CSMD1: variants seen among roughly 807,000 people sequenced by gnomAD.
CSMD1 encodes CUB and Sushi multiple domains 1, also known as CUB and sushi domain-containing protein 1.
In CSMD1, 213 loss-of-function variants were observed where a neutral mutation model predicts 417.5. That is an observed-to-expected ratio of 0.51 (90% CI 0.46 to 0.57). The LOEUF (loss-of-function observed/expected upper bound fraction) is 0.57, where lower values mean the gene tolerates loss of function less well. CSMD1 is among the 20% of genes least tolerant of loss of function. The pLI, the probability that CSMD1 is intolerant of heterozygous loss-of-function variation, is 0.00. For missense variants in CSMD1, 6,923 were observed against 4,529.7 expected (o/e 1.53, Z -15.17); for synonymous variants, 2,862 against 1,736.8 (o/e 1.65, Z -16.11).
intron 3 of CSMD1, among the ~76,000 whole-genome samples, chr8:4,195,163 A>T (rs1325204614): frequency 6.6e-6 from 1 of 152,226 alleles, no homozygotes; most frequent in Non-Finnish European, 1.5e-5. Flanking sequence ...TATCCAGAAC[A>T]TGTGTGTACA....
intron 5 of CSMD1, among the ~76,000 whole-genome samples, chr8:3,985,679 T>C (rs1303670006): frequency 1.3e-5 from 2 of 152,066 alleles, no homozygotes; most frequent in Non-Finnish European, 1.5e-5. Context: ...AGAATTCTCA[T>C]TACAACCTCC....
At position 4,637,570 on chromosome 8, in the gene CSMD1, A is replaced by G. The variant is rs1802898821; in HGVS notation, c.86-12T>C. On this transcript the variant is annotated splice_polypyrimidine_tract_variant and intron_variant, in intron 1 of 69. Transcript: ENST00000635120. Reference sequence around the variant, plus strand: ...TCCACAGTTCTGACCTGGAAGAGAAAACACACACAAAAAAGCATATTATTC... The same window carrying G: ...TCCACAGTTCTGACCTGGAAGAGAAGACACACACAAAAAAGCATATTATTC... 2 of 1,592,224 alleles carry G rather than the reference A, an allele frequency of 1.3e-6. No homozygotes were observed. The highest frequency in any genetic ancestry group is 2.7e-5 in the African/African-American group (2 of 74,410).
At chr8:4,568,769 C>T (rs111572695) in intron 2 of CSMD1, among the ~76,000 whole-genome samples, 2 of 152,266 alleles carry the variant, frequency 1.3e-5, no homozygotes, top group East Asian at 3.9e-4. Context: ...TCTCCATAAC[C>T]TCTCCAGCAT....
intron 12 of CSMD1, among the ~76,000 whole-genome samples, chr8:3,464,786 G>T (rs1000488485): frequency 6.6e-6 from 1 of 151,764 alleles, no homozygotes; most frequent in Non-Finnish European, 1.5e-5. Flanking sequence ...TTAGCATTTG[G>T]GCTTTTGAAC....
At chr8:4,580,681 T>C (rs922597387) in intron 2 of CSMD1, among the ~76,000 whole-genome samples, 3 of 152,132 alleles carry the variant, frequency 2.0e-5, no homozygotes, top group African/African-American at 4.8e-5. Context: ...ATGCACCGCG[T>C]CTTCCAAGGT....
intron 5 of CSMD1, among the ~76,000 whole-genome samples, chr8:3,938,597 T>C (rs11778011): frequency 0.072 from 10,918 of 152,240 alleles, 444 homozygotes; most frequent in Middle Eastern, 0.13. Flanking sequence ...TTGGAAATCA[T>C]GCTGTAGACC....
intron 3 of CSMD1, among the ~76,000 whole-genome samples, chr8:4,216,945 T>C (rs972973163): frequency 6.6e-6 from 1 of 152,128 alleles, no homozygotes; most frequent in African/African-American, 2.4e-5. Flanking sequence ...CCAACAAACC[T>C]TTTTTCAAAA....
Position 3,275,360 on chromosome 8 carries a change from C to A in CSMD1, c.4153+8784G>T, listed in dbSNP as rs904937578. Among the ~76,000 whole-genome samples, 5 of 152,222 alleles carry A rather than the reference C, an allele frequency of 3.3e-5. No homozygotes were observed. The South Asian group carries it at 8.3e-4, about 25-fold the overall frequency. On this transcript the variant is annotated intron_variant, in intron 26 of 69. Coordinates refer to ENST00000635120, the MANE Select transcript of CSMD1 (RefSeq NM_033225.6). ...AACCTTTCTCTCTGGCTGCCCTTAA[C>A]ATTTTTTCCTTCATTTCACCTTTGG...
At chr8:4,755,944 T>C (rs1470179418) in intron 1 of CSMD1, among the ~76,000 whole-genome samples, 2 of 152,244 alleles carry the variant, frequency 1.3e-5, no homozygotes, top group African/African-American at 2.4e-5. Context: ...CCTAAAACAC[T>C]GGTTTCATTG....
intron 12 of CSMD1, among the ~76,000 whole-genome samples, chr8:3,437,092 C>G (rs375079222): frequency 7.2e-5 from 11 of 152,254 alleles, no homozygotes; most frequent in African/African-American, 2.6e-4. Context: ...ACTTCAAAGA[C>G]TGAAGTGCAA....
chr8:3,748,692 T>C (rs7002396), intron 6 of CSMD1, among the ~76,000 whole-genome samples: 1,741 of 152,338 alleles, frequency 0.011, 11 homozygotes, highest in African/African-American at 0.023. Flanking sequence ...GCATACGTTT[T>C]ATCCAAATTA....
At chr8:3,966,338 C>A (rs1334856291) in intron 5 of CSMD1, among the ~76,000 whole-genome samples, 2 of 152,138 alleles carry the variant, frequency 1.3e-5, no homozygotes, top group East Asian at 3.9e-4. Context: ...CTTGCTCAGT[C>A]ATCATTCACT....
chr8:4,878,481 T>C (rs187479288), intron 1 of CSMD1, among the ~76,000 whole-genome samples: 20 of 151,970 alleles, frequency 1.3e-4, no homozygotes, highest in African/African-American at 3.9e-4. Context: ...TAAGACAGCA[T>C]AGAATCATGA....
chr8:4,753,406 CA>C (rs59082233), intron 1 of CSMD1, among the ~76,000 whole-genome samples: 4,979 of 52,632 alleles, frequency 0.095, 157 homozygotes, highest in African/African-American at 0.14. Flanking sequence ...CCATAAACCA[CA>C]CACACACACA....
At position 3,011,198 on chromosome 8, in the gene CSMD1, C is replaced by T. The variant is rs180836736; in HGVS notation, c.8029+7279G>A. On this transcript the variant is annotated intron_variant, in intron 52 of 69. Coordinates refer to ENST00000635120, the MANE Select transcript of CSMD1 (RefSeq NM_033225.6). ...TCAGAAATATGACAGAAAAACCCACCGCTGAGAAGTTTGCTAGTTATTCCC... is the reference window on the plus strand; with the variant it reads ...TCAGAAATATGACAGAAAAACCCACTGCTGAGAAGTTTGCTAGTTATTCCC... Among the ~76,000 whole-genome samples, 33 of 152,184 alleles carry T rather than the reference C, an allele frequency of 2.2e-4. 1 individual carries two copies. Among genetic ancestry groups the T allele is most frequent in the Admixed American group, 1.6e-3 (25 of 15,274 alleles).
chr8:3,163,763 C>T (rs1285509124), intron 37 of CSMD1, among the ~76,000 whole-genome samples: 1 of 152,280 alleles, frequency 6.6e-6, no homozygotes, highest in African/African-American at 2.4e-5. Flanking sequence ...GCAGCAAGGT[C>T]AAGGGAAACC....
At chr8:3,632,773 T>G (rs1246424841) in intron 7 of CSMD1, among the ~76,000 whole-genome samples, 1 of 152,232 alleles carries the variant, frequency 6.6e-6, no homozygotes. Context: ...GTTTTGTTTT[T>G]GGCAGTCTCC....
chr8:4,674,902 C>G (rs1234503735), intron 1 of CSMD1, among the ~76,000 whole-genome samples: 1 of 152,092 alleles, frequency 6.6e-6, no homozygotes. Context: ...CTCATGATGG[C>G]ATTAGTCCCT....
chr8:4,140,644 G>C (rs544561011), intron 3 of CSMD1, among the ~76,000 whole-genome samples: 1 of 150,854 alleles, frequency 6.6e-6, no homozygotes, highest in South Asian at 2.1e-4. Flanking sequence ...CTCCAGGCTG[G>C]GCAACAGAGC....
Sources: allele counts gnomAD v4.1 joint callset (sites outside exome capture counted in the v4.1 genomes callset), GRCh38; gene constraint gnomAD v4.1.1; transcripts MANE v1.5; gene names NCBI Gene and HGNC (gene_info 2026-07-23, HGNC 2026-07-21).